ZNF423: variants seen among roughly 807,000 people sequenced by gnomAD.
ZNF423 encodes the protein Ebf-associated zinc finger protein.
Under a neutral mutation model 95.8 loss-of-function variants are expected in ZNF423, and 12 were observed. That is an observed-to-expected ratio of 0.13 (90% confidence interval 0.08 to 0.20). The LOEUF is 0.20. ZNF423 is among the 10% of genes least tolerant of loss of function. ZNF423 has a pLI of 1.00. For synonymous variants in ZNF423, 749 were observed against 711.9 expected (o/e 1.05, Z -0.83); for missense variants, 1,316 against 1,737.1 (o/e 0.76, Z 4.31).
At chr16:49,739,188 G>A (rs1452309334) in intron 2 of ZNF423, among the ~76,000 whole-genome samples, 2 of 152,128 alleles carry the variant, frequency 1.3e-5, no homozygotes, top group African/African-American at 4.8e-5. Context: ...ATTTTAATAA[G>A]GTGATATATA....
At position 49,489,076 on chromosome 16, in the gene ZNF423, C is replaced by T. The variant is rs1309524335; in HGVS notation, c.*2199G>A. The T allele has an allele frequency of 6.6e-6, 1 of 152,222 alleles. No homozygotes were observed. The highest frequency in any genetic ancestry group is 1.5e-5 in the Non-Finnish European group (1 of 68,062). 9.4% of individuals were successfully genotyped at this position (152,222 alleles called of 1,614,324 possible). On this transcript the variant is annotated 3_prime_UTR_variant, in exon 8 of 8. Coordinates refer to ENST00000563137, the MANE Select transcript of ZNF423 (RefSeq NM_001379286.1). ...CATGGCGTGAAAAGCTCTTAAACCCCCCGCTGTATTTTTAATGGGGGCAGT... is the reference window on the plus strand; with the variant it reads ...CATGGCGTGAAAAGCTCTTAAACCCTCCGCTGTATTTTTAATGGGGGCAGT...
intron 3 of ZNF423, among the ~76,000 whole-genome samples, chr16:49,663,585 G>A (rs967279922): frequency 2.6e-5 from 4 of 152,220 alleles, no homozygotes; most frequent in African/African-American, 9.6e-5. Context: ...CTCCCTCCCG[G>A]CCAGTGGTGC....
chr16:49,644,658 C>CA (rs56066766), intron 3 of ZNF423, among the ~76,000 whole-genome samples: 6 of 39,578 alleles, frequency 1.5e-4, no homozygotes, highest in Non-Finnish European at 2.2e-4. Context: ...AACTCTGACT[C>CA]AAAAAAAAAA....
chr16:49,709,399 G>A (rs548819291), intron 3 of ZNF423, among the ~76,000 whole-genome samples: 68 of 151,854 alleles, frequency 4.5e-4, no homozygotes, highest in East Asian at 5.8e-4. Flanking sequence ...CTTAGTGCCC[G>A]AGAGGCTGCC....
intron 3 of ZNF423, among the ~76,000 whole-genome samples, chr16:49,721,642 G>A (rs558663494): frequency 1.5e-4 from 23 of 152,206 alleles, no homozygotes; most frequent in African/African-American, 5.3e-4. Flanking sequence ...AACACCCATC[G>A]TGCCAGGCGC....
rs551524085 is a variant in ZNF423 at position 49,603,301 on chromosome 16, T to C, written c.3601+22869A>G. On this transcript the variant is annotated intron_variant, in intron 5 of 7. Transcript: ENST00000563137. This position sits in a 1 kb window ranked among gnomAD's most constrained non-coding sequence, Gnocchi z 4.1. ...TGTGGGGTTCCTGTCACTCAAAGAA[T>C]CTTGCCTCCACACAGCACTGGCTTC... Among the ~76,000 whole-genome samples, 88 of 152,320 alleles carry C rather than the reference T, an allele frequency of 5.8e-4. No homozygotes were observed. Among genetic ancestry groups the C allele is most frequent in the African/African-American group, 2.1e-3 (87 of 41,568 alleles).
At chr16:49,534,332 CA>C (rs1388345164) in intron 5 of ZNF423, among the ~76,000 whole-genome samples, 2 of 151,904 alleles carry the variant, frequency 1.3e-5, no homozygotes, top group East Asian at 3.9e-4. Context: ...CAGCTCACTG[CA>C]ACCTCCATCT....
intron 5 of ZNF423, among the ~76,000 whole-genome samples, chr16:49,625,310 A>T (rs1237139293): frequency 6.6e-6 from 1 of 152,252 alleles, no homozygotes; most frequent in African/African-American, 2.4e-5. Context: ...CAAAGATTGC[A>T]CCACTGCACT....
At chr16:49,680,606 A>AGT (rs2031311706) in intron 3 of ZNF423, among the ~76,000 whole-genome samples, 1 of 152,166 alleles carries the variant, frequency 6.6e-6, no homozygotes, top group Non-Finnish European at 1.5e-5. Context: ...TGCATTCCCC[A>AGT]GTACTCCCAG....
At chr16:49,724,710 AC>A (rs1227574855) in intron 3 of ZNF423, among the ~76,000 whole-genome samples, 1 of 152,208 alleles carries the variant, frequency 6.6e-6, no homozygotes, top group Non-Finnish European at 1.5e-5. Context: ...CCACAGCTGA[AC>A]AAACCAGGGT....
intron 5 of ZNF423, 60 bp downstream of exon 5, chr16:49,626,109 AC>A: frequency 6.5e-7 from 1 of 1,539,614 alleles, no homozygotes. Context: ...GATGATTGGA[AC>A]CGCAAATTTA....
intron 5 of ZNF423, among the ~76,000 whole-genome samples, chr16:49,542,341 G>A (rs376134303): frequency 6.4e-4 from 98 of 152,326 alleles, no homozygotes; most frequent in Admixed American, 3.1e-3. Flanking sequence ...TGAGTGTCCC[G>A]GTGGCCTCAT....
chr16:49,725,571 G>A (rs558466564), intron 3 of ZNF423, among the ~76,000 whole-genome samples: 2 of 152,282 alleles, frequency 1.3e-5, no homozygotes, highest in South Asian at 2.1e-4. Flanking sequence ...TTAATAGTAG[G>A]GAGAGAGATG....
intron 3 of ZNF423, among the ~76,000 whole-genome samples, chr16:49,676,329 C>A (rs544064233): frequency 1.4e-4 from 21 of 152,332 alleles, no homozygotes; most frequent in African/African-American, 4.1e-4. Context: ...ATCTGGACAT[C>A]CATAACAACC....
intron 1 of ZNF423, among the ~76,000 whole-genome samples, chr16:49,831,981 CAAA>C (rs796358974): frequency 3.3e-5 from 4 of 122,582 alleles, no homozygotes; most frequent in Non-Finnish European, 3.5e-5. Flanking sequence ...AAGACTATCT[CAAA>C]AAAAAAAAAA....
intron 4 of ZNF423, among the ~76,000 whole-genome samples, chr16:49,628,691 T>G (rs1039568435): frequency 5.3e-5 from 8 of 152,226 alleles, no homozygotes; most frequent in African/African-American, 1.9e-4. Context: ...AAGGAACTCC[T>G]CATCTGCCCT....
chr16:49,804,833 G>A (rs2034636476), intron 1 of ZNF423, among the ~76,000 whole-genome samples: 1 of 150,914 alleles, frequency 6.6e-6, no homozygotes, highest in Non-Finnish European at 1.5e-5. Flanking sequence ...TGTGTATAAA[G>A]TGCATGGTTC....
chr16:49,607,239 C>A (rs1263483515), intron 5 of ZNF423, among the ~76,000 whole-genome samples: 1 of 152,030 alleles, frequency 6.6e-6, no homozygotes, highest in East Asian at 1.9e-4. Context: ...GTGGTCCTTG[C>A]ATAGTGAAAG....
At chr16:49,611,405 A>C (rs1971717711) in intron 5 of ZNF423, among the ~76,000 whole-genome samples, 1 of 152,086 alleles carries the variant, frequency 6.6e-6, no homozygotes, top group South Asian at 2.1e-4. Flanking sequence ...ATAATCATGG[A>C]TCAAAGAGGA....
Sources: gnomAD v4.1 joint callset for allele counts (sites outside exome capture counted in the v4.1 genomes callset) on GRCh38, gnomAD v4.1.1 for gene constraint, Gnocchi (gnomAD v3.1) non-coding constraint, MANE v1.5 for transcripts, NCBI Gene and HGNC (gene_info 2026-07-23, HGNC 2026-07-21) for gene names.